The following BEST4 variants were observed in gnomAD, a reference collection of about 807,000 sequenced individuals.
BEST4 encodes the protein bestrophin-4.
A neutral mutation model predicts 47.1 loss-of-function variants in BEST4; 36 were observed. The ratio of observed to expected loss-of-function variants is 0.76; its 90% CI spans 0.59 to 1.01. The LOEUF is 1.01. Among genes scored for constraint, BEST4 ranks in the 50% least tolerant of loss-of-function variants. The pLI is 0.00. For missense variants in BEST4, 550 were observed against 648.6 expected, an observed-to-expected ratio of 0.85 and a Z score of 1.65; for synonymous variants, 250 against 277.8, an observed-to-expected ratio of 0.90 and a Z score of 1.00.
upstream of BEST4, among the ~76,000 whole-genome samples, chr1:44,790,570 C>T (rs1651383969): frequency 6.6e-6 from 1 of 152,086 alleles, no homozygotes. Context: ...ACAGGGAGAT[C>T]TCCCCTCTAG....
Position 44,784,027 on chromosome 1 carries a change from G to T in BEST4, c.*183C>A. On this transcript the variant is annotated 3_prime_UTR_variant, in exon 9 of 9. Transcript: ENST00000372207. The surrounding 1 kb of genome is among the most constrained non-coding windows in gnomAD (Gnocchi z 6.2). ...AACCGACCTTCTCTCCCACCAAAGT[G>T]GACACATTCCCAGCCCTGGCTCAGG... The T allele has an allele frequency of 1.8e-6, 1 of 551,964 alleles. No individual in the cohort carries two copies. Among genetic ancestry groups the T allele is most frequent in the Non-Finnish European group, 2.8e-6 (1 of 351,204 alleles). The allele number at this position is 551,964 out of a possible 1,614,324, so 34.2% of individuals were successfully genotyped here.
chr1:44,792,008 C>T (rs1363828128), upstream of BEST4, among the ~76,000 whole-genome samples: 3 of 152,070 alleles, frequency 2.0e-5, no homozygotes, highest in Admixed American at 6.6e-5. Context: ...TTTGGGAGGC[C>T]GAGGCAGGCG....
downstream of BEST4, among the ~76,000 whole-genome samples, chr1:44,782,248 A>C (rs1305568860): frequency 6.6e-6 from 1 of 152,132 alleles, no homozygotes. Flanking sequence ...AAAAAAAAAA[A>C]AACCTCAAAT....
At position 44,786,112 on chromosome 1, in the gene BEST4, G is replaced by T; in HGVS notation, c.598C>A (p.Arg200=). The change falls in exon 4 of 9, where the codon CGA becomes AGA. Residue 200 remains arginine, a synonymous_variant. Transcript: ENST00000372207. The surrounding 1 kb of genome is among the most constrained non-coding windows in gnomAD (Gnocchi z 4.9). The part of the protein sequence containing the change: ...NLAAQARRDG[R]IRDDIALCLL... ...CAGAGAGCGATATCGTCACGTATTC[G>T]CCCGTCCCTCCGGGCCTGGGCCGCC... is the stretch of plus-strand genomic sequence containing the variant. 2 of 1,613,106 alleles carry T rather than the reference G, an allele frequency of 1.2e-6. No homozygotes were observed. The highest frequency in any genetic ancestry group is 8.5e-7 in the Non-Finnish European group (1 of 1,179,674).
upstream of BEST4, among the ~76,000 whole-genome samples, chr1:44,789,813 C>T (rs1651364999): frequency 6.6e-6 from 1 of 152,086 alleles, no homozygotes; most frequent in Non-Finnish European, 1.5e-5. Context: ...CTGAAAAATC[C>T]CAAGAGTGGT....
chr1:44,789,414 A>T (rs1651352532), upstream of BEST4, among the ~76,000 whole-genome samples: 1 of 150,192 alleles, frequency 6.7e-6, no homozygotes, highest in African/African-American at 2.4e-5. Context: ...AAAAAAAAAA[A>T]AAGGCCAGGC....
chr1:44,784,520 G>A lies in BEST4; in HGVS notation c.1149-37C>T. On this transcript the variant is annotated intron_variant, in intron 8 of 8. Coordinates refer to ENST00000372207, the MANE Select transcript of BEST4 (RefSeq NM_153274.3). The surrounding 1 kb of genome is among the most constrained non-coding windows in gnomAD (Gnocchi z 6.2). ...AGGGCGGGCTGAGCCGGGGCACAGG[G>A]CGGGAGCGGGGACGCGGGATCGGCT... 1 of 1,495,834 alleles carries A rather than the reference G, an allele frequency of 6.7e-7. No individual in the cohort carries two copies. Among genetic ancestry groups the A allele is most frequent in the Non-Finnish European group, 8.9e-7 (1 of 1,124,452 alleles). 92.7% of individuals were successfully genotyped at this position (1,495,834 alleles called of 1,614,324 possible). A position where few individuals can be genotyped will look rare whatever the true frequency, so the allele number is the denominator to read the frequency against.
chr1:44,786,053 T>A lies in BEST4; in HGVS notation c.636+21A>T. 1.3e-6 allele frequency: 2 copies of A among 1,577,588 alleles called. No homozygotes were observed. The highest frequency in any genetic ancestry group is 1.4e-5 in the African/African-American group (1 of 73,086). On this transcript the variant is annotated intron_variant, in intron 4 of 8. Coordinates refer to ENST00000372207, the MANE Select transcript of BEST4 (RefSeq NM_153274.3). This position sits in a 1 kb window ranked among gnomAD's most constrained non-coding sequence, Gnocchi z 4.9. Reference sequence around the variant, plus strand: ...AATTAGAGGGAGGAGGGCAGATGGGTCTGGTCCTGAGCCCACTCACTTCCA... The same window carrying A: ...AATTAGAGGGAGGAGGGCAGATGGGACTGGTCCTGAGCCCACTCACTTCCA...
At chr1:44,787,027 G>A (rs1260517502) in intron 2 of BEST4, among the ~76,000 whole-genome samples, 1 of 152,128 alleles carries the variant, frequency 6.6e-6, no homozygotes, top group African/African-American at 2.4e-5. Flanking sequence ...GGAAGTGAGG[G>A]TCCGGCAAGT....
chr1:44,784,365 G>C lies in BEST4; in HGVS notation c.1267C>G (p.Pro423Ala), dbSNP rs1001686246. The change falls in exon 9 of 9, where the codon CCG (proline) becomes GCG (alanine). Residue 423 changes from proline (P) to alanine (A), a missense_variant. Transcript: ENST00000372207. The surrounding 1 kb of genome is among the most constrained non-coding windows in gnomAD (Gnocchi z 6.2). ...GRFLGVGAPS[P>A]AISLRNFGRV... Reference sequence around the variant, plus strand: ...CCGAAGTTCCGGAGGCTGATGGCCGGGGAGGGCGCCCCTACGCCCAGGAAG... The same window carrying C: ...CCGAAGTTCCGGAGGCTGATGGCCGCGGAGGGCGCCCCTACGCCCAGGAAG... 5.8e-6 allele frequency: 8 copies of C among 1,390,850 alleles called. No individual in the cohort carries two copies. Among genetic ancestry groups the C allele is most frequent in the African/African-American group, 3.1e-5 (2 of 65,418 alleles). 86.2% of individuals were successfully genotyped at this position (1,390,850 alleles called of 1,614,324 possible). A position where few individuals can be genotyped will look rare whatever the true frequency, so the allele number is the denominator to read the frequency against.
chr1:44,790,334 A>G (rs913458879), upstream of BEST4, among the ~76,000 whole-genome samples: 1 of 151,768 alleles, frequency 6.6e-6, no homozygotes, highest in Non-Finnish European at 1.5e-5. Context: ...ACCCACCTCT[A>G]CCCTCATCAC....
upstream of BEST4, among the ~76,000 whole-genome samples, chr1:44,792,597 T>C (rs561350832): frequency 1.3e-3 from 199 of 152,162 alleles, 4 homozygotes; most frequent in South Asian, 0.04. Context: ...AGGTTGGCTT[T>C]ATCCCTTCCA....
chr1:44,785,952 C>T, intron 4 of BEST4, 122 bp downstream of exon 4: 1 of 1,262,756 alleles, frequency 7.9e-7, no homozygotes, highest in South Asian at 1.5e-5. Flanking sequence ...AACATGGGTA[C>T]AGGGCTTCCA....
intron 2 of BEST4, 31 bp downstream of exon 2, chr1:44,787,341 G>A (rs771948591): frequency 1.2e-6 from 2 of 1,608,406 alleles, no homozygotes; most frequent in South Asian, 1.1e-5. Context: ...ACAGTAAGGG[G>A]GACACAGGGA....
upstream of BEST4, among the ~76,000 whole-genome samples, chr1:44,788,488 T>C (rs963812375): frequency 1.3e-5 from 2 of 152,232 alleles, no homozygotes; most frequent in Non-Finnish European, 2.9e-5. Flanking sequence ...CACAGAGCAC[T>C]GACTAAGTGA....
Position 44,786,738 on chromosome 1 carries a change from G to T in BEST4, c.248-42C>A. On this transcript the variant is annotated intron_variant, in intron 2 of 8. Coordinates refer to ENST00000372207, the MANE Select transcript of BEST4 (RefSeq NM_153274.3). This position sits in a 1 kb window ranked among gnomAD's most constrained non-coding sequence, Gnocchi z 4.9. ...ATAGAGGGAGTAGGAAGGGAGAGTG[G>T]AGAGCCTGGGGGTCGGAGCGCCTCA... 6.7e-7 allele frequency: 1 copy of T among 1,483,022 alleles called. No homozygotes were observed. The highest frequency in any genetic ancestry group is 9.2e-7 in the Non-Finnish European group (1 of 1,092,446). The allele number at this position is 1,483,022 out of a possible 1,614,324, so 91.9% of individuals were successfully genotyped here.
Position 44,784,768 on chromosome 1 carries a change from C to T in BEST4, c.1009G>A (p.Val337Met). ...GGAAGGTTCTGGTACATTTCGTCCA[C>T]GGATAGCAGGGACACCTGGGCCACC... The part of the protein sequence containing the change: ...DRNLQVSLLS[V>M]DEMYQNLPPA... The change falls in exon 8 of 9, where the codon GTG (valine) becomes ATG (methionine). Residue 337 changes from valine to methionine, a missense_variant. Transcript: ENST00000372207. This position sits in a 1 kb window ranked among gnomAD's most constrained non-coding sequence, Gnocchi z 6.2. 1 of 1,594,038 alleles carries T rather than the reference C, an allele frequency of 6.3e-7. No homozygotes were observed. Among genetic ancestry groups the T allele is most frequent in the Non-Finnish European group, 8.6e-7 (1 of 1,169,078 alleles).
rs1246373437 is a variant in BEST4 at position 44,786,314 on chromosome 1, C to T, written c.482-86G>A. On this transcript the variant is annotated intron_variant, in intron 3 of 8. Transcript: ENST00000372207. This position sits in a 1 kb window ranked among gnomAD's most constrained non-coding sequence, Gnocchi z 4.9. ...TCCGCCGTCTGGCTCCCCTCCCTCG[C>T]GTCCACCGGCTGTCCCAGGACTCGC... 6.7e-7 allele frequency: 1 copy of T among 1,493,294 alleles called. No individual in the cohort carries two copies. 92.5% of individuals were successfully genotyped at this position (1,493,294 alleles called of 1,614,324 possible). A position where few individuals can be genotyped will look rare whatever the true frequency, so the allele number is the denominator to read the frequency against.
In BEST4 at chr1:44,784,192, G is replaced by A. The variant is rs1331319532; in HGVS notation, c.*18C>T. On this transcript the variant is annotated 3_prime_UTR_variant, in exon 9 of 9. Coordinates refer to ENST00000372207, the MANE Select transcript of BEST4 (RefSeq NM_153274.3). The surrounding 1 kb of genome is among the most constrained non-coding windows in gnomAD (Gnocchi z 6.2). ...GAGGGCAGTGGGTGGGGGAAACCGG[G>A]CGGGGGCAGGCGAGACCTCAGGGCT... is the stretch of plus-strand genomic sequence containing the variant. 9 of 1,391,842 alleles carry A rather than the reference G, an allele frequency of 6.5e-6. No homozygotes were observed. The highest frequency in any genetic ancestry group is 7.4e-6 in the Non-Finnish European group (8 of 1,083,338). The allele number at this position is 1,391,842 out of a possible 1,614,324, so 86.2% of individuals were successfully genotyped here.
Sources: allele counts gnomAD v4.1 joint callset (sites outside exome capture counted in the v4.1 genomes callset), GRCh38; gene constraint gnomAD v4.1.1; non-coding constraint Gnocchi (gnomAD v3.1); transcripts MANE v1.5; gene names NCBI Gene and HGNC (gene_info 2026-07-23, HGNC 2026-07-21).